Variants in CCDC73 observed in about 807,000 individuals in gnomAD.
CCDC73 encodes coiled-coil domain containing 73, also known as coiled-coil domain-containing protein 73.
CCDC73 carries 95 observed loss-of-function variants against 116.5 expected under a neutral mutation model. That is an observed-to-expected ratio of 0.82 (90% CI 0.69 to 0.97). The LOEUF (loss-of-function observed/expected upper bound fraction) is 0.97. Among genes scored for constraint, CCDC73 ranks in the 50% least tolerant of loss-of-function variants. CCDC73 has a pLI of 0.00. For missense variants in CCDC73, 1,066 were observed against 1,206.8 expected (o/e 0.88, Z 1.73); for synonymous variants, 398 against 401.3 (o/e 0.99, Z 0.10).
At chr11:32,607,535 C>T (rs879248526) in intron 17 of CCDC73, among the ~76,000 whole-genome samples, 33 of 152,292 alleles carry the variant, frequency 2.2e-4, no homozygotes, top group African/African-American at 6.5e-4. Flanking sequence ...GAACAGCTAT[C>T]TTATAAGGGT....
chr11:32,749,102 C>G (rs146221997), intron 2 of CCDC73, among the ~76,000 whole-genome samples: 1 of 152,194 alleles, frequency 6.6e-6, no homozygotes, highest in African/African-American at 2.4e-5. Flanking sequence ...TTGGGAAGTT[C>G]TCTGTTATTA....
chr11:32,689,903 G>A (rs1251567355), intron 6 of CCDC73, among the ~76,000 whole-genome samples: 1 of 152,120 alleles, frequency 6.6e-6, no homozygotes, highest in Non-Finnish European at 1.5e-5. Flanking sequence ...GCCGAGGCAG[G>A]AGAATGGCAT....
rs908490393 is a variant in CCDC73 at position 32,736,382 on chromosome 11, C to T, written c.136-18235G>A. ...AACAGACACTTCTCAAAAGAAGACA[C>T]TTATGCAGCCAAAAGACACATGAAA... On this transcript the variant is annotated intron_variant, in intron 2 of 17. Transcript: ENST00000335185. Among the ~76,000 whole-genome samples the T allele has an allele frequency of 2.9e-3, 448 of 152,136 alleles. 1 individual carries two copies. Among genetic ancestry groups the T allele is most frequent in the African/African-American group, 1.0e-2 (414 of 41,514 alleles).
At chr11:32,692,383 C>T (rs562632991) in intron 6 of CCDC73, among the ~76,000 whole-genome samples, 8 of 151,956 alleles carry the variant, frequency 5.3e-5, no homozygotes, top group Non-Finnish European at 1.2e-4. Context: ...CTCAAAGCTC[C>T]AGAAATCTAA....
intron 2 of CCDC73, among the ~76,000 whole-genome samples, chr11:32,757,174 TA>T (rs1200066748): frequency 6.6e-6 from 1 of 151,688 alleles, no homozygotes; most frequent in South Asian, 2.1e-4. Context: ...TACACTGAGT[TA>T]AAAAAAACTT....
At chr11:32,728,867 A>G (rs1198966600) in intron 2 of CCDC73, among the ~76,000 whole-genome samples, 4 of 151,922 alleles carry the variant, frequency 2.6e-5, no homozygotes, top group Non-Finnish European at 5.9e-5. Context: ...ACCACACTCG[A>G]CTAATTTTTG....
At chr11:32,724,225 C>T (rs1199784278) in intron 2 of CCDC73, among the ~76,000 whole-genome samples, 1 of 152,042 alleles carries the variant, frequency 6.6e-6, no homozygotes, top group Non-Finnish European at 1.5e-5. Flanking sequence ...TTTTAAACCA[C>T]CCAAAACTCC....
intron 1 of CCDC73, among the ~76,000 whole-genome samples, chr11:32,789,852 T>G (rs1404394172): frequency 1.3e-5 from 2 of 152,072 alleles, no homozygotes; most frequent in Non-Finnish European, 1.5e-5. Context: ...TATAATACAA[T>G]GTGATCATGT....
At chr11:32,610,538 T>C (rs902224640) in intron 17 of CCDC73, among the ~76,000 whole-genome samples, 1 of 152,238 alleles carries the variant, frequency 6.6e-6, no homozygotes, top group Non-Finnish European at 1.5e-5. Flanking sequence ...TAAAGTTCTA[T>C]ACACTATGAT....
chr11:32,632,376 C>A (rs1417996468), intron 14 of CCDC73, among the ~76,000 whole-genome samples: 1 of 152,170 alleles, frequency 6.6e-6, no homozygotes, highest in Non-Finnish European at 1.5e-5. Context: ...CAGGCGCGTG[C>A]CACCATGCCC....
intron 2 of CCDC73, among the ~76,000 whole-genome samples, chr11:32,750,451 T>C (rs987720760): frequency 6.6e-6 from 1 of 152,194 alleles, no homozygotes; most frequent in Non-Finnish European, 1.5e-5. Context: ...CCCTGAGCTC[T>C]AGGCAGGTCC....
intron 2 of CCDC73, among the ~76,000 whole-genome samples, chr11:32,749,862 T>A (rs953663666): frequency 6.7e-6 from 1 of 148,172 alleles, no homozygotes; most frequent in African/African-American, 2.5e-5. Flanking sequence ...TCTCTCCTCT[T>A]ACTTTTTTTT....
chr11:32,631,479 C>T (rs1855629284), intron 14 of CCDC73, among the ~76,000 whole-genome samples: 1 of 152,026 alleles, frequency 6.6e-6, no homozygotes, highest in South Asian at 2.1e-4. Flanking sequence ...AACATATTTC[C>T]AATGGGTGAT....
At chr11:32,752,253 G>A (rs1027975245) in intron 2 of CCDC73, among the ~76,000 whole-genome samples, 5 of 152,170 alleles carry the variant, frequency 3.3e-5, no homozygotes, top group African/African-American at 4.8e-5. Context: ...TCAAGGACAT[G>A]AAATATGGTT....
At chr11:32,664,412 A>AGT (rs1842609181) in intron 9 of CCDC73, among the ~76,000 whole-genome samples, 3 of 151,894 alleles carry the variant, frequency 2.0e-5, no homozygotes. Flanking sequence ...GTCTTGGGAG[A>AGT]GTGTATGTGT....
chr11:32,783,612 C>T (rs1000870517), intron 1 of CCDC73, among the ~76,000 whole-genome samples: 1 of 150,894 alleles, frequency 6.6e-6, no homozygotes, highest in Non-Finnish European at 1.5e-5. Flanking sequence ...GGTGAGGAAA[C>T]TCTCTGAGGC....
chr11:32,637,957 A>G (rs1257795140), intron 13 of CCDC73, among the ~76,000 whole-genome samples: 1 of 152,214 alleles, frequency 6.6e-6, no homozygotes, highest in African/African-American at 2.4e-5. Context: ...AATTAAACTC[A>G]TTATTTTCAT....
upstream of CCDC73, among the ~76,000 whole-genome samples, chr11:32,797,707 T>A (rs1380717581): frequency 6.6e-6 from 1 of 152,188 alleles, no homozygotes; most frequent in Non-Finnish European, 1.5e-5. Context: ...AAATCCCCAA[T>A]GGCTAGCACA....
Position 32,780,712 on chromosome 11 carries a change from G to C in CCDC73, c.-16+13901C>G, listed in dbSNP as rs959655214. 5.3e-5 allele frequency among the ~76,000 whole-genome samples: 8 copies of C among 152,270 alleles called. No homozygotes were observed. The Middle Eastern group carries it at 0.01, about 194-fold the overall frequency. Reference sequence around the variant, plus strand: ...CTAATGTTTGTTGAGCACTTAATACGTGCAAAACTATCTTCTAACACTTCA... The same window carrying C: ...CTAATGTTTGTTGAGCACTTAATACCTGCAAAACTATCTTCTAACACTTCA... On this transcript the variant is annotated intron_variant, in intron 1 of 17. Transcript: ENST00000335185.
Sources: allele counts gnomAD v4.1 joint callset (sites outside exome capture counted in the v4.1 genomes callset), GRCh38; gene constraint gnomAD v4.1.1; transcripts MANE v1.5; gene names NCBI Gene and HGNC (gene_info 2026-07-23, HGNC 2026-07-21).